The following PREX1 variants were observed in gnomAD, a reference collection of about 807,000 sequenced individuals.
The protein encoded by PREX1 is phosphatidylinositol-3,4,5-trisphosphate dependent Rac exchange factor 1, also known as phosphatidylinositol 3,4,5-trisphosphate-dependent Rac exchanger 1 protein.
PREX1 carries 41 observed loss-of-function variants against 198.3 expected under a neutral mutation model. The ratio of observed to expected loss-of-function variants is 0.21; its 90% CI spans 0.16 to 0.27. The LOEUF is 0.27. Ranked by LOEUF, PREX1 falls within the 10% of genes least tolerant of loss-of-function variation. The pLI, the probability that PREX1 is intolerant of heterozygous loss-of-function variation, is 1.00. For synonymous variants in PREX1, 843 were observed against 887.2 expected, an observed-to-expected ratio of 0.95 and a Z score of 0.89; for missense variants, 1,620 against 2,200.7, an observed-to-expected ratio of 0.74 and a Z score of 5.28.
intron 3 of PREX1, among the ~76,000 whole-genome samples, chr20:48,744,737 G>A (rs570714252): frequency 1.3e-5 from 2 of 152,292 alleles, no homozygotes; most frequent in African/African-American, 4.8e-5. Context: ...GAGGGGCCCC[G>A]CCAGGCCAGG....
chr20:48,767,654 C>G (rs1420797999), intron 1 of PREX1, among the ~76,000 whole-genome samples: 1 of 152,208 alleles, frequency 6.6e-6, no homozygotes, highest in Non-Finnish European at 1.5e-5. Context: ...TCTCCAACTA[C>G]AGACCACGCT....
chr20:48,828,207 G>A (rs1342048698), upstream of PREX1, among the ~76,000 whole-genome samples: 1 of 151,206 alleles, frequency 6.6e-6, no homozygotes, highest in Non-Finnish European at 1.5e-5. Flanking sequence ...CGGCGCCTCC[G>A]TCGGAAGCTC....
chr20:48,720,561 C>T (rs1234051142), intron 5 of PREX1, among the ~76,000 whole-genome samples: 3 of 152,202 alleles, frequency 2.0e-5, no homozygotes, highest in African/African-American at 4.8e-5. Flanking sequence ...TAGTATTCTA[C>T]TGTGTGAGTC....
At chr20:48,697,247 A>G (rs533414854) in intron 7 of PREX1, among the ~76,000 whole-genome samples, 1 of 152,312 alleles carries the variant, frequency 6.6e-6, no homozygotes, top group African/African-American at 2.4e-5. Flanking sequence ...GTTTTACTCT[A>G]TAAAAACAAC....
intron 16 of PREX1, among the ~76,000 whole-genome samples, chr20:48,659,623 G>A (rs747972307): frequency 6.6e-6 from 1 of 152,110 alleles, no homozygotes; most frequent in Non-Finnish European, 1.5e-5. Flanking sequence ...TGTGGGGTAT[G>A]CAGGATGAGT....
chr20:48,862,302 G>A, the PREX1 span, among the ~76,000 whole-genome samples: 3 of 152,090 alleles, frequency 2.0e-5, no homozygotes, highest in Non-Finnish European at 2.9e-5. Context: ...GGAAAGACAG[G>A]AACTGACATC....
At chr20:48,718,810 T>G (rs561988097) in intron 5 of PREX1, among the ~76,000 whole-genome samples, 100 of 152,378 alleles carry the variant, frequency 6.6e-4, no homozygotes, top group African/African-American at 2.3e-3. Context: ...ATTTTACAGA[T>G]ATTTTTCATT....
At chr20:48,859,812 G>A in the PREX1 span, among the ~76,000 whole-genome samples, 1 of 152,226 alleles carries the variant, frequency 6.6e-6, no homozygotes, top group African/African-American at 2.4e-5. Flanking sequence ...GAGGTCAGGA[G>A]TTTGAGACCA....
chr20:48,813,812 T>C (rs991690890), intron 1 of PREX1, among the ~76,000 whole-genome samples: 2 of 152,178 alleles, frequency 1.3e-5, no homozygotes, highest in African/African-American at 4.8e-5. Context: ...GAATAATATA[T>C]GCAGCCAGGT....
At chr20:48,655,200 C>A in intron 19 of PREX1, 90 bp downstream of exon 19, 1 of 1,262,882 alleles carries the variant, frequency 7.9e-7, no homozygotes, top group Non-Finnish European at 1.1e-6. Context: ...CTGGCAGAAG[C>A]CTAGAGTTCA....
At chr20:48,806,975 A>T (rs1298908346) in intron 1 of PREX1, among the ~76,000 whole-genome samples, 2 of 152,246 alleles carry the variant, frequency 1.3e-5, no homozygotes, top group African/African-American at 2.4e-5. Flanking sequence ...ATATCCATTC[A>T]TCCATGGAAC....
intron 9 of PREX1, among the ~76,000 whole-genome samples, chr20:48,689,138 C>G (rs546050079): frequency 1.3e-5 from 2 of 152,230 alleles, no homozygotes; most frequent in African/African-American, 4.8e-5. Flanking sequence ...GCCTCCCCAA[C>G]CTGAGGGTGG....
intron 10 of PREX1, among the ~76,000 whole-genome samples, chr20:48,685,911 AT>A (rs1456018998): frequency 6.6e-6 from 1 of 152,132 alleles, no homozygotes; most frequent in Non-Finnish European, 1.5e-5. Flanking sequence ...CAAAAGATAA[AT>A]CAGACACTTT....
At chr20:48,753,786 T>C (rs1025419886) in intron 1 of PREX1, among the ~76,000 whole-genome samples, 16 of 152,092 alleles carry the variant, frequency 1.1e-4, no homozygotes, top group African/African-American at 3.4e-4. Flanking sequence ...CCCAAGACAT[T>C]CAATTGGCAG....
the PREX1 span, among the ~76,000 whole-genome samples, chr20:48,887,631 TAAA>T: frequency 6.8e-6 from 1 of 146,724 alleles, no homozygotes; most frequent in Admixed American, 6.8e-5. Flanking sequence ...AAATAATAAA[TAAA>T]CAAATAAATA....
At chr20:48,752,065 C>T (rs1452733630) in intron 1 of PREX1, among the ~76,000 whole-genome samples, 1 of 152,182 alleles carries the variant, frequency 6.6e-6, no homozygotes, top group East Asian at 1.9e-4. Context: ...AGACACAGGT[C>T]ACTGCATATG....
the PREX1 span, among the ~76,000 whole-genome samples, chr20:48,867,185 T>C: frequency 6.6e-6 from 1 of 152,204 alleles, no homozygotes; most frequent in Non-Finnish European, 1.5e-5. Flanking sequence ...AACAGAGGAA[T>C]TGTTCAAGGA....
intron 5 of PREX1, among the ~76,000 whole-genome samples, chr20:48,725,587 G>C (rs2090006166): frequency 6.6e-6 from 1 of 152,226 alleles, no homozygotes. Flanking sequence ...TCCACAAACA[G>C]CTCAGACTTT....
Position 48,639,862 on chromosome 20 carries a change from C to A in PREX1, c.3808G>T (p.Gly1270Cys), listed in dbSNP as rs1371122533. 4.3e-6 allele frequency: 7 copies of A among 1,614,040 alleles called. No individual in the cohort carries two copies. The highest frequency in any genetic ancestry group is 5.1e-6 in the Non-Finnish European group (6 of 1,179,962). ...ATGCTAATCTGGATCAGGCTCCGGCCACGGATTGTACACTCTTCTTTCTGT... is the reference window on the plus strand; with the variant it reads ...ATGCTAATCTGGATCAGGCTCCGGCAACGGATTGTACACTCTTCTTTCTGT... The part of the protein sequence containing the change: ...FKQKEECTIR[G>C]RSLIQISIQE... The change falls in exon 30 of 40, where the codon GGC becomes TGC. Residue 1270 changes from glycine to cysteine, a missense_variant. Coordinates refer to ENST00000371941, the MANE Select transcript of PREX1 (RefSeq NM_020820.4).
Sources: gnomAD v4.1 joint callset for allele counts (sites outside exome capture counted in the v4.1 genomes callset) on GRCh38, gnomAD v4.1.1 for gene constraint, MANE v1.5 for transcripts, NCBI Gene and HGNC (gene_info 2026-07-23, HGNC 2026-07-21) for gene names.